The following RASEF variants were observed in gnomAD, a reference collection of about 807,000 sequenced individuals.
The protein encoded by RASEF is ras and EF-hand domain-containing protein.
A neutral mutation model predicts 90.1 loss-of-function variants in RASEF; 68 were observed. The observed-to-expected ratio is 0.75, with a 90% confidence interval of 0.62 to 0.92. RASEF has a LOEUF of 0.92. Ranked by LOEUF, RASEF falls within the 40% of genes least tolerant of loss-of-function variation. RASEF has a pLI of 0.00. For missense variants in RASEF, 949 were observed against 937.2 expected (o/e 1.01, Z -0.16); for synonymous variants, 331 against 345.2 (o/e 0.96, Z 0.46).
At chr9:83,026,976 C>T (rs1829560172) in intron 1 of RASEF, among the ~76,000 whole-genome samples, 1 of 152,304 alleles carries the variant, frequency 6.6e-6, no homozygotes, top group South Asian at 2.1e-4. Flanking sequence ...GCCACGTACA[C>T]TTCTGACCAA....
At chr9:83,087,834 A>G in the RASEF span, among the ~76,000 whole-genome samples, 1 of 151,870 alleles carries the variant, frequency 6.6e-6, no homozygotes, top group Non-Finnish European at 1.5e-5. Context: ...TTCTTTTTCT[A>G]TATTTTCAAA....
At chr9:83,045,278 G>T (rs946846735) in intron 1 of RASEF, among the ~76,000 whole-genome samples, 2 of 152,078 alleles carry the variant, frequency 1.3e-5, no homozygotes, top group Non-Finnish European at 2.9e-5. Context: ...CTTTCATTGG[G>T]GCTAATCAAT....
the RASEF span, among the ~76,000 whole-genome samples, chr9:83,118,799 G>A: frequency 6.6e-6 from 1 of 152,120 alleles, no homozygotes; most frequent in Non-Finnish European, 1.5e-5. Flanking sequence ...CTTGACAAAT[G>A]AAATATGAGT....
chr9:83,063,677 T>A (rs897440606), upstream of RASEF, among the ~76,000 whole-genome samples: 4 of 152,202 alleles, frequency 2.6e-5, no homozygotes, highest in African/African-American at 7.2e-5. Flanking sequence ...TGAGAAAAAA[T>A]TTGATAAACA....
intron 3 of RASEF, among the ~76,000 whole-genome samples, chr9:83,017,577 A>G (rs1340531343): frequency 6.6e-6 from 1 of 152,220 alleles, no homozygotes; most frequent in Non-Finnish European, 1.5e-5. Context: ...AACCTGCGAC[A>G]GGTAGATGCT....
chr9:83,088,361 T>TATAGATGGATGG, the RASEF span, among the ~76,000 whole-genome samples: 67 of 110,286 alleles, frequency 6.1e-4, no homozygotes, highest in African/African-American at 2.2e-3. Flanking sequence ...TACACAGAGA[T>TATAGATGGATGG]ATAGATAGAT....
At position 82,983,857 on chromosome 9, in the gene RASEF, G is replaced by A. The variant is rs777566549; in HGVS notation, c.2118-1075C>T. Among the ~76,000 whole-genome samples, 94 of 152,220 alleles carry A rather than the reference G, an allele frequency of 6.2e-4. 1 individual carries two copies. The highest frequency in any genetic ancestry group is 1.1e-3 in the Non-Finnish European group (78 of 68,036). Reference sequence around the variant, plus strand: ...GAGATGCCACGTGGAGTGAAGCCACGAGAAGCACCCTGGTGGCTGACATCC... The same window carrying A: ...GAGATGCCACGTGGAGTGAAGCCACAAGAAGCACCCTGGTGGCTGACATCC... On this transcript the variant is annotated intron_variant, in intron 16 of 16. Coordinates refer to ENST00000376447, the MANE Select transcript of RASEF (RefSeq NM_152573.4).
the RASEF span, among the ~76,000 whole-genome samples, chr9:83,196,495 G>A: frequency 1.3e-4 from 20 of 152,298 alleles, no homozygotes; most frequent in African/African-American, 4.6e-4. Flanking sequence ...GGGAGACAGG[G>A]CAAAAAGGTC....
chr9:83,110,147 T>G, the RASEF span, among the ~76,000 whole-genome samples: 1 of 152,216 alleles, frequency 6.6e-6, no homozygotes. Context: ...TTAGCATGCT[T>G]CAGCCTATGC....
At chr9:83,097,725 T>G in the RASEF span, among the ~76,000 whole-genome samples, 1 of 152,174 alleles carries the variant, frequency 6.6e-6, no homozygotes, top group Non-Finnish European at 1.5e-5. Flanking sequence ...CCAGTTAGAA[T>G]GGACTTGTTT....
At chr9:83,075,245 A>G in the RASEF span, among the ~76,000 whole-genome samples, 1 of 152,094 alleles carries the variant, frequency 6.6e-6, no homozygotes, top group African/African-American at 2.4e-5. Context: ...CCATTGTTAA[A>G]CTGCAGTTCT....
the RASEF span, among the ~76,000 whole-genome samples, chr9:83,147,990 C>T: frequency 6.6e-6 from 1 of 151,788 alleles, no homozygotes. Context: ...GCTTGTGGAG[C>T]CTGGGGTTTG....
At chr9:83,124,701 A>C in the RASEF span, among the ~76,000 whole-genome samples, 1 of 152,188 alleles carries the variant, frequency 6.6e-6, no homozygotes, top group Non-Finnish European at 1.5e-5. Context: ...TTGTTACGCA[A>C]AACTGGAGAG....
the RASEF span, among the ~76,000 whole-genome samples, chr9:83,148,958 G>A: frequency 3.9e-5 from 6 of 152,192 alleles, no homozygotes; most frequent in East Asian, 1.9e-4. Context: ...TTCAGCCCAC[G>A]CTCTGTCACA....
At chr9:83,080,331 G>A in the RASEF span, among the ~76,000 whole-genome samples, 1 of 152,240 alleles carries the variant, frequency 6.6e-6, no homozygotes, top group South Asian at 2.1e-4. Context: ...GAATGGAAAT[G>A]TAAGAGAGTT....
At chr9:83,093,919 A>C in the RASEF span, among the ~76,000 whole-genome samples, 1 of 152,240 alleles carries the variant, frequency 6.6e-6, no homozygotes, top group Non-Finnish European at 1.5e-5. Flanking sequence ...ATAGCTTCAT[A>C]AATGTTAGTT....
chr9:83,043,694 C>T (rs1371502004), intron 1 of RASEF, among the ~76,000 whole-genome samples: 1 of 152,140 alleles, frequency 6.6e-6, no homozygotes, highest in East Asian at 1.9e-4. Context: ...CGAAGTTTAT[C>T]TCTTCTACCT....
chr9:83,029,607 T>C (rs1053703943), intron 1 of RASEF, among the ~76,000 whole-genome samples: 2 of 150,628 alleles, frequency 1.3e-5, no homozygotes, highest in Admixed American at 6.6e-5. Flanking sequence ...GGTTTCACCA[T>C]GTCTCTGAGA....
the RASEF span, among the ~76,000 whole-genome samples, chr9:83,192,893 A>G: frequency 2.6e-5 from 4 of 152,154 alleles, no homozygotes; most frequent in Admixed American, 6.5e-5. Context: ...TTTTACTACT[A>G]TTTCTTACAA....
Sources: gnomAD v4.1 joint callset for allele counts (sites outside exome capture counted in the v4.1 genomes callset) on GRCh38, gnomAD v4.1.1 for gene constraint, MANE v1.5 for transcripts, NCBI Gene and HGNC (gene_info 2026-07-23, HGNC 2026-07-21) for gene names.